TPO: variants seen among roughly 807,000 people sequenced by gnomAD.
The protein encoded by TPO is thyroid peroxidase, also known as thyroid microsomal antigen.
TPO carries 78 observed loss-of-function variants against 96.9 expected under a neutral mutation model. The observed-to-expected ratio is 0.81, with a 90% CI of 0.67 to 0.97. The LOEUF (loss-of-function observed/expected upper bound fraction) is 0.97. Ranked by LOEUF, TPO falls within the 50% of genes least tolerant of loss-of-function variation. The pLI, the probability that TPO is intolerant of heterozygous loss-of-function variation, is 0.00. For missense variants in TPO, 1,252 were observed against 1,274.8 expected, an observed-to-expected ratio of 0.98 and a Z score of 0.27; for synonymous variants, 547 against 538.0, an observed-to-expected ratio of 1.02 and a Z score of -0.23.
chr2:1,401,113 T>C (rs10183390), intron 1 of TPO, among the ~76,000 whole-genome samples: 85,497 of 152,134 alleles, frequency 0.56, 24,292 homozygotes, highest in South Asian at 0.63. Flanking sequence ...AGGCTCCCAT[T>C]AGCAGAGCCT....
intron 9 of TPO, among the ~76,000 whole-genome samples, chr2:1,485,267 G>A (rs1671048098): frequency 6.6e-6 from 1 of 152,130 alleles, no homozygotes; most frequent in Non-Finnish European, 1.5e-5. Context: ...AGTATTCCTT[G>A]GTGTATATGT....
Position 1,473,445 on chromosome 2 carries a change from C to T in TPO, c.820-3641C>T, listed in dbSNP as rs912691841. Among the ~76,000 whole-genome samples, 4 of 152,210 alleles carry T rather than the reference C, an allele frequency of 2.6e-5. 1 individual carries two copies. The highest frequency in any genetic ancestry group is 2.6e-4 in the Admixed American group (4 of 15,284). On this transcript the variant is annotated intron_variant, in intron 7 of 16. Transcript: ENST00000329066. ...CAATACCGTGTGGACTTGGTCATAG[C>T]GGCCTTATAGTATATCCTATTATCT...
In TPO at chr2:1,542,681, G is replaced by C. The variant is rs1680896260; in HGVS notation, c.*207G>C. ...TGGCCTTTTCTTGTAAACATTGCCT[G>C]ATTTGTTCCTTCTGGGGCTTTGCCA... On this transcript the variant is annotated 3_prime_UTR_variant, in exon 17 of 17. Coordinates refer to ENST00000329066, the MANE Select transcript of TPO (RefSeq NM_001206744.2). 3.4e-6 allele frequency: 5 copies of C among 1,455,478 alleles called. No homozygotes were observed. Among genetic ancestry groups the C allele is most frequent in the Non-Finnish European group, 4.7e-6 (5 of 1,071,664 alleles). The allele number at this position is 1,455,478 out of a possible 1,614,324, so 90.2% of individuals were successfully genotyped here.
At chr2:1,401,691 G>A (rs968777855) in intron 1 of TPO, among the ~76,000 whole-genome samples, 1 of 152,112 alleles carries the variant, frequency 6.6e-6, no homozygotes, top group Non-Finnish European at 1.5e-5. Context: ...TAAGCATTCT[G>A]TACCTCAAAT....
In TPO at chr2:1,414,397, G is replaced by A. The variant is rs777940436; in HGVS notation, c.-1-11G>A. On this transcript the variant is annotated splice_polypyrimidine_tract_variant and intron_variant, in intron 1 of 16. Coordinates refer to ENST00000329066, the MANE Select transcript of TPO (RefSeq NM_001206744.2). ...TTGATTACATACTCTGTCTCCTTCC[G>A]TTAATTTTAGAATGAGAGCGCTCGC... The A allele has an allele frequency of 4.7e-5, 76 of 1,610,974 alleles. No individual in the cohort carries two copies. The highest frequency in any genetic ancestry group is 3.3e-4 in the Middle Eastern group (2 of 6,070).
intron 1 of TPO, among the ~76,000 whole-genome samples, chr2:1,401,310 C>T (rs976862482): frequency 2.6e-5 from 4 of 152,172 alleles, no homozygotes; most frequent in South Asian, 2.1e-4. Context: ...CAGAGAAGAG[C>T]GAGGGCAGTG....
At chr2:1,426,087 A>G (rs11695695) in intron 3 of TPO, among the ~76,000 whole-genome samples, 1,432 of 141,862 alleles carry the variant, frequency 0.01, 130 homozygotes, top group African/African-American at 0.037. Flanking sequence ...GGATACAGAG[A>G]TGAGTTTGAT....
At chr2:1,477,873 C>G in intron 8 of TPO, 1 of 985,430 alleles carries the variant, frequency 1.0e-6, no homozygotes, top group Non-Finnish European at 1.2e-6. Flanking sequence ...CCCCTCTGTC[C>G]CACCTGCTTA....
At chr2:1,536,820 C>A (rs1489173029) in intron 15 of TPO, among the ~76,000 whole-genome samples, 30 of 100,140 alleles carry the variant, frequency 3.0e-4, no homozygotes, top group African/African-American at 8.2e-4. Context: ...CCAAATCCCC[C>A]CCACTGTGTG....
At chr2:1,512,196 G>A (rs921737748) in intron 14 of TPO, among the ~76,000 whole-genome samples, 1 of 152,122 alleles carries the variant, frequency 6.6e-6, no homozygotes, top group Non-Finnish European at 1.5e-5. Flanking sequence ...ACCACGCCCG[G>A]CTAATTTTTG....
intron 7 of TPO, 55 bp downstream of exon 7, chr2:1,456,337 C>G: frequency 6.4e-7 from 1 of 1,568,456 alleles, no homozygotes; most frequent in Non-Finnish European, 8.7e-7. Context: ...CTATTTAAAA[C>G]GTCAAACAGA....
intron 14 of TPO, among the ~76,000 whole-genome samples, chr2:1,511,676 C>T (rs1674147801): frequency 6.6e-6 from 1 of 152,240 alleles, no homozygotes; most frequent in African/African-American, 2.4e-5. Flanking sequence ...AGGGCAGTCC[C>T]TCTGTGTGTC....
rs369353592 is a variant in TPO at position 1,456,216 on chromosome 2, T to C, written c.753T>C (p.Ala251=). The change falls in exon 7 of 17, where the codon GCT becomes GCC. Residue 251 remains alanine (A), a synonymous_variant. Coordinates refer to ENST00000329066, the MANE Select transcript of TPO (RefSeq NM_001206744.2). ...TCACACCACAGAGCACCAGCAAAGC[T>C]GCCTTCGGGGGAGGGGCTGACTGCC... ...IAFTPQSTSK[A]AFGGGADCQM... is the part of the protein sequence containing the mutation. 16 of 1,614,018 alleles carry C rather than the reference T, an allele frequency of 9.9e-6. No individual in the cohort carries two copies. Among genetic ancestry groups the C allele is most frequent in the African/African-American group, 4.0e-5 (3 of 74,930 alleles).
chr2:1,536,845 CCCG>C (rs1679785796), intron 15 of TPO, among the ~76,000 whole-genome samples: 1 of 135,382 alleles, frequency 7.4e-6, no homozygotes, highest in African/African-American at 2.8e-5. Context: ...CTCCCCAAAT[CCCG>C]CCACTGTGTT....
chr2:1,530,880 A>T (rs1209548220), intron 15 of TPO, among the ~76,000 whole-genome samples: 4 of 88,732 alleles, frequency 4.5e-5, no homozygotes, highest in African/African-American at 4.6e-5. Context: ...ACCTCCGCAA[A>T]TCCCCCCACT....
chr2:1,432,554 CAGGTGGGGTG>C (rs1665099014), intron 3 of TPO, among the ~76,000 whole-genome samples: 14 of 110,136 alleles, frequency 1.3e-4, no homozygotes, highest in African/African-American at 4.3e-4. Flanking sequence ...GAGAGGCCTG[CAGGTGGGGTG>C]AGGCCTGCAG....
chr2:1,377,412 G>A (rs1573049384), intron 1 of TPO, among the ~76,000 whole-genome samples: 1 of 152,338 alleles, frequency 6.6e-6, no homozygotes, highest in East Asian at 1.9e-4. Flanking sequence ...TTAGCCTCGA[G>A]GAGATTCTGG....
At chr2:1,502,264 A>T (rs1672945674) in intron 13 of TPO, among the ~76,000 whole-genome samples, 1 of 152,178 alleles carries the variant, frequency 6.6e-6, no homozygotes, top group East Asian at 1.9e-4. Flanking sequence ...AAGACCTTCT[A>T]GGTTTAACAG....
At chr2:1,494,467 C>T (rs964320418) in intron 11 of TPO, among the ~76,000 whole-genome samples, 3 of 152,224 alleles carry the variant, frequency 2.0e-5, no homozygotes, top group Non-Finnish European at 4.4e-5. Flanking sequence ...CTGGACAGGA[C>T]TTCCCGGCCC....
Sources: allele counts gnomAD v4.1 joint callset (sites outside exome capture counted in the v4.1 genomes callset), GRCh38; gene constraint gnomAD v4.1.1; transcripts MANE v1.5; gene names NCBI Gene and HGNC (gene_info 2026-07-23, HGNC 2026-07-21).